The following RSRC1 variants were observed in gnomAD, a reference collection of about 807,000 sequenced individuals.
RSRC1 encodes serine/Arginine-related protein 53.
A neutral mutation model predicts 49.1 loss-of-function variants in RSRC1; 39 were observed. That is an observed-to-expected ratio of 0.79 (90% CI 0.61 to 1.04). RSRC1 has a LOEUF of 1.04. Ranked by LOEUF, RSRC1 falls within the 50% of genes least tolerant of loss-of-function variation. RSRC1 has a pLI of 0.00. For synonymous variants in RSRC1, 143 were observed against 130.8 expected, an observed-to-expected ratio of 1.09 and a Z score of -0.63; for missense variants, 388 against 402.4, an observed-to-expected ratio of 0.96 and a Z score of 0.31.
chr3:158,124,989 A>G (rs1436946567), intron 3 of RSRC1, among the ~76,000 whole-genome samples: 1 of 151,534 alleles, frequency 6.6e-6, no homozygotes, highest in Non-Finnish European at 1.5e-5. Context: ...CTGACTTTTT[A>G]AAATATGTTT....
intron 4 of RSRC1, among the ~76,000 whole-genome samples, chr3:158,278,173 A>ACAAGTCCAC (rs1725926097): frequency 6.6e-6 from 1 of 152,228 alleles, no homozygotes; most frequent in South Asian, 2.1e-4. Flanking sequence ...CCAACAACGG[A>ACAAGTCCAC]CAAGTCCACA....
chr3:158,388,872 G>A (rs993371911), intron 6 of RSRC1, among the ~76,000 whole-genome samples: 4 of 152,106 alleles, frequency 2.6e-5, no homozygotes, highest in African/African-American at 9.7e-5. Context: ...GCCTCCCAAA[G>A]TGTTGGGATT....
intron 4 of RSRC1, among the ~76,000 whole-genome samples, chr3:158,280,209 A>G (rs1726062769): frequency 6.6e-6 from 1 of 152,210 alleles, no homozygotes; most frequent in Non-Finnish European, 1.5e-5. Flanking sequence ...CTTAAGAAGT[A>G]TAACAAATAC....
chr3:158,263,529 C>T (rs993942371), intron 4 of RSRC1, among the ~76,000 whole-genome samples: 8 of 152,090 alleles, frequency 5.3e-5, no homozygotes, highest in African/African-American at 1.9e-4. Context: ...CAGGGTAATG[C>T]TGGCCCAAAG....
At chr3:158,129,865 T>C (rs548625731) in intron 3 of RSRC1, among the ~76,000 whole-genome samples, 1 of 152,230 alleles carries the variant, frequency 6.6e-6, no homozygotes, top group Non-Finnish European at 1.5e-5. Flanking sequence ...ATCAGTAGAA[T>C]AGGAGTATTG....
At chr3:158,197,422 A>G (rs1167402546) in intron 3 of RSRC1, among the ~76,000 whole-genome samples, 2 of 151,992 alleles carry the variant, frequency 1.3e-5, no homozygotes, top group East Asian at 1.9e-4. Context: ...GTAGCGGCCT[A>G]TCAATTTTGT....
At chr3:158,415,434 G>A (rs1400958946) in intron 6 of RSRC1, among the ~76,000 whole-genome samples, 1 of 151,478 alleles carries the variant, frequency 6.6e-6, no homozygotes, top group Non-Finnish European at 1.5e-5. Flanking sequence ...TTTGTTTAGG[G>A]CTCTGGAGTC....
Position 158,539,137 on chromosome 3 carries a change from T to C in RSRC1, c.759+1939T>C, listed in dbSNP as rs1228705242. ...ACTCTCTTGAGGACTGAGTTACCCA[T>C]GATCCTAGTTTCAACATATTTTTCT... is the stretch of plus-strand genomic sequence containing the variant. On this transcript the variant is annotated intron_variant, in intron 8 of 9. Transcript: ENST00000611884. This position sits in a 1 kb window ranked among gnomAD's most constrained non-coding sequence, Gnocchi z 4.1. Among the ~76,000 whole-genome samples, 1 of 151,992 alleles carries C rather than the reference T, an allele frequency of 6.6e-6. No individual in the cohort carries two copies. Among genetic ancestry groups the C allele is most frequent in the East Asian group, 1.9e-4 (1 of 5,184 alleles).
intron 3 of RSRC1, among the ~76,000 whole-genome samples, chr3:158,158,893 C>T (rs559897733): frequency 1.1e-4 from 17 of 148,978 alleles, no homozygotes; most frequent in South Asian, 6.4e-4. Flanking sequence ...AAGCCGTGAT[C>T]GTACCACTGC....
At chr3:158,395,551 A>C (rs986206294) in intron 6 of RSRC1, among the ~76,000 whole-genome samples, 1 of 152,182 alleles carries the variant, frequency 6.6e-6, no homozygotes, top group Non-Finnish European at 1.5e-5. Context: ...GAAGACATAC[A>C]TGCACCCAAC....
chr3:158,187,373 A>G (rs1374175801), intron 3 of RSRC1, among the ~76,000 whole-genome samples: 1 of 152,056 alleles, frequency 6.6e-6, no homozygotes, highest in Non-Finnish European at 1.5e-5. Flanking sequence ...ATTATTATAC[A>G]TATTTTAGAG....
At chr3:158,523,664 T>C (rs7639678) in intron 7 of RSRC1, among the ~76,000 whole-genome samples, 78,365 of 151,588 alleles carry the variant, frequency 0.52, 20,709 homozygotes, top group African/African-American at 0.62. Flanking sequence ...TAAGATTTTT[T>C]ATGATTAGGA....
At chr3:158,332,212 T>C (rs1729587087) in intron 5 of RSRC1, among the ~76,000 whole-genome samples, 5 of 152,138 alleles carry the variant, frequency 3.3e-5, no homozygotes. Context: ...CTGCCAATAC[T>C]TTTTAATCAT....
At position 158,194,892 on chromosome 3, in the gene RSRC1, A is replaced by G. The variant is rs570694233; in HGVS notation, c.321-8180A>G. On this transcript the variant is annotated intron_variant, in intron 3 of 9. Transcript: ENST00000611884. ...GTGCCACATTTTCTTAATCCAGTCT[A>G]TCATTGTTGGACATTTAGGATAGGT... Among the ~76,000 whole-genome samples the G allele has an allele frequency of 2.6e-5, 4 of 152,142 alleles. No homozygotes were observed. The East Asian group carries it at 7.7e-4, about 29-fold the overall frequency.
At chr3:158,353,790 AC>A (rs2108237058) in intron 5 of RSRC1, among the ~76,000 whole-genome samples, 1 of 150,682 alleles carries the variant, frequency 6.6e-6, no homozygotes, top group African/African-American at 2.4e-5. Context: ...CATATATAAA[AC>A]TGGGGTTATT....
intron 4 of RSRC1, among the ~76,000 whole-genome samples, chr3:158,275,330 A>G (rs774304197): frequency 6.6e-6 from 1 of 152,174 alleles, no homozygotes; most frequent in African/African-American, 2.4e-5. Flanking sequence ...TTCTAAATAT[A>G]ATCATGACAT....
At chr3:158,230,626 T>C in intron 4 of RSRC1, among the ~76,000 whole-genome samples, 1 of 152,276 alleles carries the variant, frequency 6.6e-6, no homozygotes, top group Admixed American at 6.5e-5. Flanking sequence ...TACTGTCTTA[T>C]TAGAAGATGC....
In RSRC1 at chr3:158,543,332, C is replaced by G; in HGVS notation, c.760-3C>G. On this transcript the variant is annotated splice_region_variant and splice_polypyrimidine_tract_variant and intron_variant, in intron 8 of 9. Coordinates refer to ENST00000611884, the MANE Select transcript of RSRC1 (RefSeq NM_001271838.2). ...TGAAATTAATATGTGTTGTTTCTTT[C>G]AGTCAGTGGAACCTAGTGAAGTGAA... The G allele has an allele frequency of 6.5e-7, 1 of 1,541,734 alleles. No individual in the cohort carries two copies. The highest frequency in any genetic ancestry group is 1.3e-5 in the South Asian group (1 of 77,844).
chr3:158,337,562 T>C (rs541415711), intron 5 of RSRC1, among the ~76,000 whole-genome samples: 15 of 152,328 alleles, frequency 9.8e-5, no homozygotes, highest in African/African-American at 3.4e-4. Flanking sequence ...CTGTCCAGAA[T>C]AGGCATTGCT....
Sources: allele counts gnomAD v4.1 joint callset (sites outside exome capture counted in the v4.1 genomes callset), GRCh38; gene constraint gnomAD v4.1.1; non-coding constraint Gnocchi (gnomAD v3.1); transcripts MANE v1.5; gene names NCBI Gene and HGNC (gene_info 2026-07-23, HGNC 2026-07-21).